TDRD9: variants seen among roughly 807,000 people sequenced by gnomAD.
The protein encoded by TDRD9 is tudor domain containing 9, also known as ATP-dependent RNA helicase TDRD9.
A neutral mutation model predicts 172.6 loss-of-function variants in TDRD9; 124 were observed. That is an observed-to-expected ratio of 0.72 (90% CI 0.62 to 0.83). The LOEUF (loss-of-function observed/expected upper bound fraction) is 0.83, where lower values mean the gene tolerates loss of function less well. Ranked by LOEUF, TDRD9 falls within the 40% of genes least tolerant of loss-of-function variation. The pLI, the probability that TDRD9 is intolerant of heterozygous loss-of-function variation, is 0.00. For missense variants in TDRD9, 1,479 were observed against 1,714.1 expected (o/e 0.86, Z 2.42); for synonymous variants, 619 against 617.1 (o/e 1.00, Z -0.05).
rs150486413 is a variant in TDRD9, at chr14:103,964,087, C to T, written c.420+911C>T. ...CAAGACCTCATCTCTACAAAACACA[C>T]CCCCCAAAATTAGTGGAATATGGTG... On this transcript the variant is annotated intron_variant, in intron 3 of 35. Transcript: ENST00000409874. Among the ~76,000 whole-genome samples, 33 of 152,092 alleles carry T rather than the reference C, an allele frequency of 2.2e-4. 1 individual carries two copies. Among genetic ancestry groups the T allele is most frequent in the Non-Finnish European group, 3.7e-4 (25 of 67,976 alleles).
intron 31 of TDRD9, 63 bp from the exon 32 acceptor site, chr14:104,034,897 A>C: frequency 7.6e-7 from 1 of 1,322,868 alleles, no homozygotes; most frequent in Non-Finnish European, 1.1e-6. Context: ...GCGGGCCGGG[A>C]GGGAACGCTG....
intron 7 of TDRD9, among the ~76,000 whole-genome samples, chr14:103,984,800 G>C (rs1295615965): frequency 6.6e-6 from 1 of 152,228 alleles, no homozygotes; most frequent in Admixed American, 6.5e-5. Context: ...CCACGCACCT[G>C]GAAAAGCTAC....
chr14:103,962,283 C>T (rs1251442707), intron 2 of TDRD9, among the ~76,000 whole-genome samples: 1 of 152,158 alleles, frequency 6.6e-6, no homozygotes, highest in African/African-American at 2.4e-5. Context: ...TAAATTGATG[C>T]ATTCTGTTGA....
intron 1 of TDRD9, chr14:103,941,622 A>C: frequency 6.5e-7 from 1 of 1,535,164 alleles, no homozygotes; most frequent in Middle Eastern, 1.7e-4. Flanking sequence ...CTTTGTCACT[A>C]TGTCTGAGCC....
At chr14:103,963,263 A>G (rs1170815833) in intron 3 of TDRD9, 87 bp downstream of exon 3, 5 of 972,408 alleles carry the variant, frequency 5.1e-6, no homozygotes, top group African/African-American at 3.3e-5. Context: ...GAAAGTTACC[A>G]GTTGCCAGGT....
chr14:103,976,508 G>A (rs566082496), intron 7 of TDRD9, among the ~76,000 whole-genome samples: 9 of 152,160 alleles, frequency 5.9e-5, no homozygotes, highest in Middle Eastern at 3.4e-3. Flanking sequence ...TGATCCGCCC[G>A]CCTCAGCCTC....
rs1462886277 is a variant in TDRD9, at chr14:104,045,047, G to A, written c.3974+2860G>A. On this transcript the variant is annotated intron_variant, in intron 34 of 35. Coordinates refer to ENST00000409874, the MANE Select transcript of TDRD9 (RefSeq NM_153046.3). ...AATCCCAGCTACTTGAGAGGCTGAGGCAGGAGAATTGCTTGAACCCAGGAG... is the reference window on the plus strand; with the variant it reads ...AATCCCAGCTACTTGAGAGGCTGAGACAGGAGAATTGCTTGAACCCAGGAG... Among the ~76,000 whole-genome samples the A allele has an allele frequency of 2.0e-5, 3 of 152,230 alleles. No homozygotes were observed. In the South Asian group the frequency reaches 6.2e-4, roughly 32 times the overall value.
intron 32 of TDRD9, among the ~76,000 whole-genome samples, chr14:104,039,002 A>G (rs887726402): frequency 7.9e-5 from 12 of 152,304 alleles, no homozygotes; most frequent in African/African-American, 2.6e-4. Context: ...TAATAAAGAC[A>G]TACCCGAGAC....
rs1456029742 is a variant in TDRD9, at chr14:104,026,717, A to G, written c.3060A>G (p.Ala1020=). Residue 1020 remains alanine, a synonymous_variant, in exon 28 of 36, where the codon GCA becomes GCG. Transcript: ENST00000409874. ...EFKICKMRPS[A]KSLVCGKHWS... ...AGATTTGCAAAATGAGACCATCAGC[A>G]AAGTCTCTTGTTTGTGGCAAGCACT... The G allele has an allele frequency of 6.2e-7, 1 of 1,614,062 alleles. No individual in the cohort carries two copies. Among genetic ancestry groups the G allele is most frequent in the Non-Finnish European group, 8.5e-7 (1 of 1,179,884 alleles).
chr14:104,011,855 T>C (rs1184254025), intron 20 of TDRD9, among the ~76,000 whole-genome samples: 7 of 152,164 alleles, frequency 4.6e-5, no homozygotes, highest in Admixed American at 4.6e-4. Context: ...AGAAAAGCTG[T>C]TATGCTTATG....
At chr14:103,979,744 T>TC (rs1158739633) in intron 7 of TDRD9, among the ~76,000 whole-genome samples, 5 of 152,202 alleles carry the variant, frequency 3.3e-5, no homozygotes, top group Admixed American at 3.3e-4. Flanking sequence ...GCCAGGTTTC[T>TC]CCATTATGCA....
chr14:104,018,178 A>T lies in TDRD9; in HGVS notation c.2418A>T (p.Val806=). The change falls in exon 23 of 36, where the codon GTA becomes GTT. Residue 806 remains valine (V), a synonymous_variant. Transcript: ENST00000409874. The stretch of plus-strand genomic sequence containing the variant: ...AGTGTGGTCAAGTCAAATCCATTGT[A>T]TTTGATGGTGCAAAGTAAGTATATT... ...FRQCGQVKSI[V]FDGAKAFVEF... 6.3e-7 allele frequency: 1 copy of T among 1,592,834 alleles called. No individual in the cohort carries two copies.
intron 8 of TDRD9, among the ~76,000 whole-genome samples, chr14:103,986,781 A>C (rs2033675268): frequency 6.6e-6 from 1 of 152,176 alleles, no homozygotes; most frequent in Non-Finnish European, 1.5e-5. Context: ...ATTTTCCCTG[A>C]GGAACAGTTT....
Position 103,965,554 on chromosome 14 carries a change from G to T in TDRD9, c.642G>T (p.Gln214His). 6.5e-7 allele frequency: 1 copy of T among 1,543,674 alleles called. No homozygotes were observed. ...CCCTGGGAGGTGTGGTGGGCTACCA[G>T]GTGAGACTGGGAGGGAGGGAGGGAC... ...AWTLGGVVGY[Q>H]VGLEKIATED... The change falls in exon 4 of 36, where the codon CAG (glutamine) becomes CAT (histidine). Residue 214 changes from glutamine to histidine, a missense_variant and splice_region_variant. Coordinates refer to ENST00000409874, the MANE Select transcript of TDRD9 (RefSeq NM_153046.3).
chr14:103,935,999 G>A (rs2208431), intron 1 of TDRD9, among the ~76,000 whole-genome samples: 65,545 of 151,826 alleles, frequency 0.43, 14,390 homozygotes, highest in Admixed American at 0.51. Context: ...ACAAGAGGGA[G>A]GGCAGGGCAT....
chr14:103,959,482 A>G (rs141315044), intron 2 of TDRD9, among the ~76,000 whole-genome samples: 4,616 of 67,020 alleles, frequency 0.069, 111 homozygotes, highest in East Asian at 0.14. Flanking sequence ...GTGTGTGTGT[A>G]TGTATACATA....
intron 20 of TDRD9, among the ~76,000 whole-genome samples, chr14:104,010,435 C>G (rs566978632): frequency 6.6e-6 from 1 of 152,254 alleles, no homozygotes; most frequent in East Asian, 1.9e-4. Context: ...GCCTCCACAT[C>G]TTGTCCACTG....
chr14:103,954,899 G>A (rs1026402124), intron 1 of TDRD9, among the ~76,000 whole-genome samples: 1 of 151,064 alleles, frequency 6.6e-6, no homozygotes, highest in African/African-American at 2.4e-5. Context: ...AAAGTGCTGG[G>A]ATTACAGGCG....
At chr14:103,944,032 G>A (rs2031419502) in intron 1 of TDRD9, among the ~76,000 whole-genome samples, 1 of 152,204 alleles carries the variant, frequency 6.6e-6, no homozygotes, top group South Asian at 2.1e-4. Flanking sequence ...TAAAATTACA[G>A]CGAATCTTGC....
Sources: allele counts gnomAD v4.1 joint callset (sites outside exome capture counted in the v4.1 genomes callset), GRCh38; gene constraint gnomAD v4.1.1; transcripts MANE v1.5; gene names NCBI Gene and HGNC (gene_info 2026-07-23, HGNC 2026-07-21).